CAMK2B: variants seen among roughly 807,000 people sequenced by gnomAD.
CAMK2B encodes the protein calcium/calmodulin-dependent protein kinase type II subunit beta.
A neutral mutation model predicts 93.7 loss-of-function variants in CAMK2B; 27 were observed. The observed-to-expected ratio is 0.29, with a 90% CI of 0.21 to 0.40. The LOEUF (loss-of-function observed/expected upper bound fraction) is 0.40, where lower values mean the gene tolerates loss of function less well. Among genes scored for constraint, CAMK2B ranks in the 10% least tolerant of loss-of-function variants. The pLI, the probability that CAMK2B is intolerant of heterozygous loss-of-function variation, is 1.00. For missense variants in CAMK2B, 568 were observed against 895.8 expected (o/e 0.63, Z 4.67); for synonymous variants, 374 against 358.8 (o/e 1.04, Z -0.48).
At chr7:44,245,624 C>A (rs1177381898) in intron 6 of CAMK2B, among the ~76,000 whole-genome samples, 1 of 152,196 alleles carries the variant, frequency 6.6e-6, no homozygotes, top group African/African-American at 2.4e-5. Context: ...CCCCTCCTCC[C>A]AGAGGCGCCT....
intron 1 of CAMK2B, among the ~76,000 whole-genome samples, chr7:44,308,258 C>T (rs1438561125): frequency 6.6e-6 from 1 of 152,242 alleles, no homozygotes; most frequent in Non-Finnish European, 1.5e-5. Flanking sequence ...GCCATCCTGA[C>T]TCTCACCTGA....
intron 2 of CAMK2B, among the ~76,000 whole-genome samples, chr7:44,273,539 G>A (rs1162783307): frequency 6.8e-6 from 1 of 146,894 alleles, no homozygotes; most frequent in Non-Finnish European, 1.5e-5. Flanking sequence ...GCCCTGGTGC[G>A]ATGGGTCCTC....
At chr7:44,257,834 C>T (rs2096847171) in intron 4 of CAMK2B, among the ~76,000 whole-genome samples, 1 of 152,276 alleles carries the variant, frequency 6.6e-6, no homozygotes, top group Non-Finnish European at 1.5e-5. Flanking sequence ...CATGGCCTGA[C>T]GTCTGTCACT....
At chr7:44,262,578 C>T (rs2096888515) in intron 3 of CAMK2B, among the ~76,000 whole-genome samples, 1 of 152,270 alleles carries the variant, frequency 6.6e-6, no homozygotes, top group South Asian at 2.1e-4. Context: ...ATGTTGGGGC[C>T]CCTGTGTGTT....
intron 20 of CAMK2B, among the ~76,000 whole-genome samples, chr7:44,223,805 A>G (rs985609496): frequency 1.1e-4 from 17 of 151,958 alleles, no homozygotes; most frequent in African/African-American, 3.9e-4. Context: ...TTGCATCAAG[A>G]GAGAAGTCTG....
At chr7:44,324,064 A>AT (rs1188792223) in intron 1 of CAMK2B, 1 of 152,936 alleles carries the variant, frequency 6.5e-6, no homozygotes, top group African/African-American at 2.4e-5. Flanking sequence ...TGGGCTCCAC[A>AT]TCCCTAACCC....
In CAMK2B at chr7:44,232,707, C is replaced by T. The variant is rs569221815; in HGVS notation, c.1176+115G>A. 149 of 858,902 alleles carry T rather than the reference C, an allele frequency of 1.7e-4. 1 individual carries two copies. The highest frequency in any genetic ancestry group is 1.0e-3 in the South Asian group (70 of 68,818). 53.2% of individuals were successfully genotyped at this position (858,902 alleles called of 1,614,324 possible). On this transcript the variant is annotated intron_variant, in intron 16 of 23. Coordinates refer to ENST00000395749, the MANE Select transcript of CAMK2B (RefSeq NM_001220.5). ...GGCCCTACCGTACTGCGGGGAGGGG[C>T]GGCCAGGGCATGGGACATCTGCCCT...
chr7:44,281,234 G>C (rs2097099820), intron 2 of CAMK2B, among the ~76,000 whole-genome samples: 1 of 152,244 alleles, frequency 6.6e-6, no homozygotes, highest in African/African-American at 2.4e-5. Flanking sequence ...GCCTGCTAGA[G>C]AAAGGCTGCA....
intron 20 of CAMK2B, among the ~76,000 whole-genome samples, chr7:44,221,872 C>T (rs1167917233): frequency 6.6e-6 from 1 of 152,176 alleles, no homozygotes; most frequent in Non-Finnish European, 1.5e-5. Flanking sequence ...AATAATAGAA[C>T]CCACACTCTA....
At chr7:44,277,311 C>A (rs1453845698) in intron 2 of CAMK2B, among the ~76,000 whole-genome samples, 3 of 152,226 alleles carry the variant, frequency 2.0e-5, no homozygotes, top group African/African-American at 7.2e-5. Flanking sequence ...TTATTCAGTA[C>A]ATTCACCAAC....
rs1432687155 is a variant in CAMK2B, at chr7:44,271,258, C to T, written c.161-8194G>A. 6.6e-6 allele frequency among the ~76,000 whole-genome samples: 1 copy of T among 152,192 alleles called. No homozygotes were observed. The highest frequency in any genetic ancestry group is 2.4e-5 in the African/African-American group (1 of 41,442). ...AGCTCGCCAACATCCACATCAAACACCAGCCAGGCACACTCTGCACCCTGC... is the reference window on the plus strand; with the variant it reads ...AGCTCGCCAACATCCACATCAAACATCAGCCAGGCACACTCTGCACCCTGC... On this transcript the variant is annotated intron_variant, in intron 2 of 23. Coordinates refer to ENST00000395749, the MANE Select transcript of CAMK2B (RefSeq NM_001220.5). The surrounding 1 kb of genome is among the most constrained non-coding windows in gnomAD (Gnocchi z 4.2).
At chr7:44,239,357 G>A (rs1369872192) in intron 13 of CAMK2B, among the ~76,000 whole-genome samples, 1 of 152,214 alleles carries the variant, frequency 6.6e-6, no homozygotes, top group African/African-American at 2.4e-5. Flanking sequence ...TGTAGCCCAG[G>A]GGCCACCTAG....
rs763455045 is a variant in CAMK2B at position 44,232,805 on chromosome 7, G to A, written c.1176+17C>T. On this transcript the variant is annotated intron_variant, in intron 16 of 23. Transcript: ENST00000395749. The stretch of plus-strand genomic sequence containing the variant: ...CTCCTGCCTGGGGAAAGCGGGAGGA[G>A]GAAAGTGGGGCAGTACCTTAATCCC... 1.9e-6 allele frequency: 3 copies of A among 1,613,472 alleles called. No individual in the cohort carries two copies. Among genetic ancestry groups the A allele is most frequent in the Middle Eastern group, 1.7e-4 (1 of 6,040 alleles).
intron 1 of CAMK2B, among the ~76,000 whole-genome samples, chr7:44,307,171 A>G (rs111211430): frequency 0.53 from 25,641 of 48,602 alleles, 6,153 homozygotes; most frequent in Non-Finnish European, 0.56. Flanking sequence ...GTGTGAGCAG[A>G]GGGAGGAGGG....
chr7:44,290,810 T>C (rs1046863581), intron 1 of CAMK2B, among the ~76,000 whole-genome samples: 3 of 152,222 alleles, frequency 2.0e-5, no homozygotes, highest in Non-Finnish European at 4.4e-5. Context: ...CTTTTGTGTA[T>C]TTTTCTGCTT....
chr7:44,229,646 A>AC (rs11399700), intron 17 of CAMK2B, 145 bp from the exon 18 acceptor site: 332,766 of 332,772 alleles, frequency 1, 166,380 homozygotes, highest in Middle Eastern at 1. Flanking sequence ...TGGGGTGGCC[A>AC]CCTGTGGGGG....
chr7:44,290,575 G>A (rs967401463), intron 1 of CAMK2B, among the ~76,000 whole-genome samples: 2 of 152,250 alleles, frequency 1.3e-5, no homozygotes, highest in African/African-American at 2.4e-5. Flanking sequence ...GCACAAGTCC[G>A]CTGACCTCAT....
intron 2 of CAMK2B, among the ~76,000 whole-genome samples, chr7:44,279,768 A>G (rs2097087439): frequency 6.6e-6 from 1 of 152,200 alleles, no homozygotes; most frequent in Admixed American, 6.5e-5. Context: ...CTCATAGAGC[A>G]CTTTGAGAAT....
At chr7:44,321,411 T>C (rs1329841196) in intron 1 of CAMK2B, among the ~76,000 whole-genome samples, 1 of 151,808 alleles carries the variant, frequency 6.6e-6, no homozygotes, top group African/African-American at 2.4e-5. Context: ...CTATCTCAGG[T>C]TTAGTGGGAG....
Sources: gnomAD v4.1 joint callset for allele counts (sites outside exome capture counted in the v4.1 genomes callset) on GRCh38, gnomAD v4.1.1 for gene constraint, Gnocchi (gnomAD v3.1) non-coding constraint, MANE v1.5 for transcripts, NCBI Gene and HGNC (gene_info 2026-07-23, HGNC 2026-07-21) for gene names.